The following EPHA7 variants were observed in gnomAD, a reference collection of about 807,000 sequenced individuals.
EPHA7 encodes the protein ephrin type-A receptor 7.
Under a neutral mutation model 112.6 loss-of-function variants are expected in EPHA7, and 25 were observed. That is an observed-to-expected ratio of 0.22 (90% CI 0.16 to 0.31). EPHA7 has a LOEUF of 0.31. Among genes scored for constraint, EPHA7 ranks in the 10% least tolerant of loss-of-function variants. The probability of loss-of-function intolerance (pLI) is 1.00; values close to 1 mark genes in which losing one functional copy is unlikely to be tolerated. For synonymous variants in EPHA7, 437 were observed against 406.5 expected, an observed-to-expected ratio of 1.07 and a Z score of -0.90; for missense variants, 962 against 1,212.6, an observed-to-expected ratio of 0.79 and a Z score of 3.07.
At chr6:93,412,363 A>T (rs1398396982) in intron 2 of EPHA7, among the ~76,000 whole-genome samples, 1 of 152,144 alleles carries the variant, frequency 6.6e-6, no homozygotes, top group Non-Finnish European at 1.5e-5. Flanking sequence ...TGATTTATTT[A>T]AATGTTCTGT....
At chr6:93,371,799 C>T (rs1776812932) in intron 3 of EPHA7, among the ~76,000 whole-genome samples, 2 of 152,076 alleles carry the variant, frequency 1.3e-5, no homozygotes, top group South Asian at 4.1e-4. Context: ...AATTAGTATA[C>T]ATCATCCCAA....
At chr6:93,305,742 AT>A (rs1226839264) in intron 5 of EPHA7, among the ~76,000 whole-genome samples, 3 of 151,898 alleles carry the variant, frequency 2.0e-5, no homozygotes, top group Non-Finnish European at 4.4e-5. Flanking sequence ...ACGGGAATAG[AT>A]TTTTTTGTTT....
intron 3 of EPHA7, among the ~76,000 whole-genome samples, chr6:93,375,336 C>A (rs1427004561): frequency 6.6e-6 from 1 of 151,952 alleles, no homozygotes; most frequent in Non-Finnish European, 1.5e-5. Flanking sequence ...CTCAGAGAGG[C>A]CAAGCATGGT....
At chr6:93,281,826 C>T (rs1481067722) in intron 5 of EPHA7, among the ~76,000 whole-genome samples, 2 of 151,996 alleles carry the variant, frequency 1.3e-5, no homozygotes, top group Admixed American at 1.3e-4. Context: ...AAATTCTTTA[C>T]AATATGGATT....
intron 3 of EPHA7, among the ~76,000 whole-genome samples, chr6:93,407,741 T>A (rs1390292628): frequency 6.6e-6 from 1 of 152,146 alleles, no homozygotes; most frequent in East Asian, 1.9e-4. Context: ...TTATTTTATT[T>A]TTAAATACCT....
intron 14 of EPHA7, among the ~76,000 whole-genome samples, chr6:93,252,017 T>A (rs760357426): frequency 2.0e-5 from 3 of 152,068 alleles, no homozygotes; most frequent in Non-Finnish European, 4.4e-5. Flanking sequence ...TATTTGAGTA[T>A]GAGTCTGGTC....
chr6:93,404,496 T>C (rs762664730), intron 3 of EPHA7, among the ~76,000 whole-genome samples: 1 of 151,856 alleles, frequency 6.6e-6, no homozygotes, highest in African/African-American at 2.4e-5. Context: ...TCTGTGATCA[T>C]AAGTACTTAA....
chr6:93,252,572 C>T (rs1770263203), intron 14 of EPHA7, among the ~76,000 whole-genome samples: 1 of 151,824 alleles, frequency 6.6e-6, no homozygotes. Flanking sequence ...AAATTTTATC[C>T]CAGAATGGAA....
At chr6:93,382,257 T>C (rs536857106) in intron 3 of EPHA7, among the ~76,000 whole-genome samples, 1 of 152,190 alleles carries the variant, frequency 6.6e-6, no homozygotes, top group East Asian at 1.9e-4. Flanking sequence ...GAAGGGATGT[T>C]TTCAGGATGA....
intron 3 of EPHA7, among the ~76,000 whole-genome samples, chr6:93,388,968 T>C (rs1777768749): frequency 6.6e-6 from 1 of 151,824 alleles, no homozygotes; most frequent in Admixed American, 6.6e-5. Context: ...GGGAGCAAGA[T>C]CAAATGCACA....
intron 5 of EPHA7, among the ~76,000 whole-genome samples, chr6:93,310,494 G>A (rs1268780908): frequency 5.3e-5 from 8 of 151,976 alleles, no homozygotes; most frequent in Admixed American, 2.0e-4. Flanking sequence ...GTGAAATTGC[G>A]TCTCTATTAA....
At chr6:93,363,988 A>G (rs1767729024) in intron 3 of EPHA7, among the ~76,000 whole-genome samples, 1 of 152,196 alleles carries the variant, frequency 6.6e-6, no homozygotes, top group South Asian at 2.1e-4. Context: ...AATATCCTAA[A>G]TAGGCAAATC....
intron 3 of EPHA7, among the ~76,000 whole-genome samples, chr6:93,373,503 T>C (rs1455251771): frequency 6.6e-6 from 1 of 152,084 alleles, no homozygotes; most frequent in Non-Finnish European, 1.5e-5. Flanking sequence ...TTTGTGAAAA[T>C]TGTATGGAAT....
chr6:93,391,354 G>A (rs973623885), intron 3 of EPHA7, among the ~76,000 whole-genome samples: 1 of 151,874 alleles, frequency 6.6e-6, no homozygotes, highest in Non-Finnish European at 1.5e-5. Context: ...AACCAAAAGA[G>A]ACAACTGGCA....
intron 5 of EPHA7, among the ~76,000 whole-genome samples, chr6:93,355,237 C>T (rs1167261720): frequency 4.6e-5 from 7 of 151,916 alleles, no homozygotes; most frequent in South Asian, 2.1e-4. Flanking sequence ...TTTTACCTCC[C>T]GATATCTGCT....
intron 3 of EPHA7, among the ~76,000 whole-genome samples, chr6:93,387,416 T>C (rs952169201): frequency 3.9e-5 from 6 of 152,124 alleles, no homozygotes; most frequent in Non-Finnish European, 8.8e-5. Context: ...TCTAGGAAAT[T>C]CCCAACTTTC....
intron 5 of EPHA7, among the ~76,000 whole-genome samples, chr6:93,356,168 T>C (rs1775932793): frequency 6.6e-6 from 1 of 152,084 alleles, no homozygotes; most frequent in Non-Finnish European, 1.5e-5. Context: ...AGTGGAGTTA[T>C]TTGTTTTATA....
chr6:93,341,364 A>T (rs1775126852), intron 5 of EPHA7, among the ~76,000 whole-genome samples: 1 of 151,734 alleles, frequency 6.6e-6, no homozygotes, highest in Admixed American at 6.6e-5. Context: ...CAGAAGGCAA[A>T]TTTTATATTT....
At chr6:93,400,139 A>G (rs747311639) in intron 3 of EPHA7, among the ~76,000 whole-genome samples, 1 of 152,088 alleles carries the variant, frequency 6.6e-6, no homozygotes, top group African/African-American at 2.4e-5. Context: ...ATTATATAAT[A>G]CAAGTCACTT....
Sources: gnomAD v4.1 joint callset for allele counts (sites outside exome capture counted in the v4.1 genomes callset) on GRCh38, gnomAD v4.1.1 for gene constraint, MANE v1.5 for transcripts, NCBI Gene and HGNC (gene_info 2026-07-23, HGNC 2026-07-21) for gene names.